Variants in KRT8 observed in about 807,000 individuals in gnomAD.
KRT8 encodes the protein keratin, type II cytoskeletal 8.
Under a neutral mutation model 43.0 loss-of-function variants are expected in KRT8, and 24 were observed. The ratio of observed to expected loss-of-function variants is 0.56; its 90% CI spans 0.40 to 0.78. The LOEUF is 0.78. Among genes scored for constraint, KRT8 ranks in the 30% least tolerant of loss-of-function variants. The pLI, the probability that KRT8 is intolerant of heterozygous loss-of-function variation, is 0.00. For missense variants in KRT8, 492 were observed against 638.4 expected (o/e 0.77, Z 2.47); for synonymous variants, 214 against 261.2 (o/e 0.82, Z 1.74).
intron 2 of KRT8, chr12:52,948,916 G>A: frequency 2.3e-6 from 1 of 435,372 alleles, no homozygotes; most frequent in South Asian, 8.0e-5. Context: ...TCCATGCCCG[G>A]TTGGCCACCC....
At chr12:52,903,989 A>T (rs1029190040) in intron 1 of KRT8, among the ~76,000 whole-genome samples, 7 of 151,410 alleles carry the variant, frequency 4.6e-5, no homozygotes, top group Non-Finnish European at 7.4e-5. Context: ...CTGCCGGCGC[A>T]GGGGCCGGGG....
At chr12:52,916,021 A>G (rs1941733662) in intron 2 of KRT8, among the ~76,000 whole-genome samples, 1 of 152,202 alleles carries the variant, frequency 6.6e-6, no homozygotes, top group Non-Finnish European at 1.5e-5. Context: ...AAAGTAAGAT[A>G]TGGATGGAAA....
intron 2 of KRT8, among the ~76,000 whole-genome samples, chr12:52,938,157 TATATATA>T (rs1942203410): frequency 5.8e-5 from 2 of 34,364 alleles, no homozygotes; most frequent in East Asian, 9.1e-4. Flanking sequence ...TATATATATA[TATATATA>T]TATATATTTT....
chr12:52,912,917 C>T (rs569779936), intron 2 of KRT8, among the ~76,000 whole-genome samples: 99 of 151,212 alleles, frequency 6.5e-4, no homozygotes, highest in African/African-American at 2.3e-3. Flanking sequence ...ACACAGGCAG[C>T]GTGACCAGGT....
chr12:52,914,877 T>C (rs180877473), intron 2 of KRT8, among the ~76,000 whole-genome samples: 43 of 152,222 alleles, frequency 2.8e-4, no homozygotes, highest in African/African-American at 1.0e-3. Flanking sequence ...GGGCGACCAC[T>C]AAGGGAGCAC....
At chr12:52,898,292 A>C (rs749384981) in intron 7 of KRT8, among the ~76,000 whole-genome samples, 169 bp downstream of exon 7, 1 of 152,204 alleles carries the variant, frequency 6.6e-6, no homozygotes, top group Non-Finnish European at 1.5e-5. Flanking sequence ...TAAGTAATAA[A>C]GTTATTACTG....
chr12:52,934,859 C>T (rs1942140712), intron 2 of KRT8, among the ~76,000 whole-genome samples: 1 of 151,900 alleles, frequency 6.6e-6, no homozygotes, highest in African/African-American at 2.4e-5. Flanking sequence ...ATCCCAGGTA[C>T]TTGGGAGGCT....
intron 2 of KRT8, among the ~76,000 whole-genome samples, chr12:52,940,377 G>A (rs1942245902): frequency 7.4e-6 from 1 of 135,436 alleles, no homozygotes; most frequent in African/African-American, 2.8e-5. Context: ...AGGTTGCAGT[G>A]AACCAAGATC....
intron 2 of KRT8, among the ~76,000 whole-genome samples, chr12:52,939,893 A>G (rs1942238376): frequency 2.0e-5 from 3 of 151,568 alleles, no homozygotes; most frequent in Middle Eastern, 3.4e-3. Context: ...CAGGCCAGGA[A>G]TTTAAGACCA....
chr12:52,940,902 A>T (rs1401467954), intron 2 of KRT8, among the ~76,000 whole-genome samples: 4 of 152,086 alleles, frequency 2.6e-5, no homozygotes, highest in Non-Finnish European at 4.4e-5. Context: ...CTGGGATTAC[A>T]GGTGTGAGCC....
chr12:52,933,986 T>C (rs190813429), intron 2 of KRT8, among the ~76,000 whole-genome samples: 3,631 of 151,342 alleles, frequency 0.024, 75 homozygotes, highest in Admixed American at 0.052. Context: ...TCCCAGCACT[T>C]TGGGAGGCCG....
At chr12:52,926,664 C>T (rs145663944) in intron 2 of KRT8, among the ~76,000 whole-genome samples, 52 of 152,256 alleles carry the variant, frequency 3.4e-4, no homozygotes, top group African/African-American at 1.3e-3. Context: ...ACTGAACATC[C>T]ACTATTAATG....
intron 2 of KRT8, among the ~76,000 whole-genome samples, chr12:52,937,458 C>G (rs1017653467): frequency 6.6e-6 from 1 of 151,216 alleles, no homozygotes. Context: ...GAGGCTGAGG[C>G]GGGAGTATTG....
At chr12:52,913,684 C>T (rs1306547126) in intron 2 of KRT8, among the ~76,000 whole-genome samples, 2 of 152,130 alleles carry the variant, frequency 1.3e-5, no homozygotes, top group Non-Finnish European at 2.9e-5. Flanking sequence ...CTCTCACTTG[C>T]ATGGCCTGAC....
At position 52,899,128 on chromosome 12, in the gene KRT8, C is replaced by T. The variant is rs553594758; in HGVS notation, c.982-229G>A. 1.3e-3 allele frequency: 690 copies of T among 537,212 alleles called. 4 individuals are homozygous for T. The highest frequency in any genetic ancestry group is 0.012 in the African/African-American group (616 of 52,228). 33.3% of individuals were successfully genotyped at this position (537,212 alleles called of 1,614,324 possible). A position where few individuals can be genotyped will look rare whatever the true frequency, so the allele number is the denominator to read the frequency against. Reference sequence around the variant, plus strand: ...AGGAGATCGAGGCCATCCTGGCTAACACAGTGAAACCCCGTCTCTAGTAAA... The same window carrying T: ...AGGAGATCGAGGCCATCCTGGCTAATACAGTGAAACCCCGTCTCTAGTAAA... On this transcript the variant is annotated intron_variant, in intron 5 of 7. Coordinates refer to ENST00000692008, the Ensembl canonical transcript of KRT8.
At chr12:52,901,964 T>C (rs1336362770) in exon 2 of KRT8, 1 of 1,608,620 alleles carries the variant, frequency 6.2e-7, no homozygotes, top group Non-Finnish European at 8.5e-7. Context: ...CTAAGGTTGT[T>C]GATGTAGCTC....
chr12:52,931,208 C>T (rs2638520), intron 2 of KRT8, among the ~76,000 whole-genome samples: 12,759 of 152,036 alleles, frequency 0.084, 672 homozygotes, highest in East Asian at 0.24. Flanking sequence ...GCTGGGACTA[C>T]AGGCACCCGC....
At chr12:52,949,027 CG>C in intron 2 of KRT8, 1 of 723,040 alleles carries the variant, frequency 1.4e-6, no homozygotes, top group East Asian at 2.8e-5. Context: ...GGCTCCGAGC[CG>C]TCCACCTGTG....
At chr12:52,924,855 C>T (rs911836014) in intron 2 of KRT8, among the ~76,000 whole-genome samples, 3 of 152,160 alleles carry the variant, frequency 2.0e-5, no homozygotes, top group Non-Finnish European at 2.9e-5. Context: ...CAACAGCCAA[C>T]GCACAGAGGA....
Sources: allele counts gnomAD v4.1 joint callset (sites outside exome capture counted in the v4.1 genomes callset), GRCh38; gene constraint gnomAD v4.1.1; transcripts MANE v1.5; gene names NCBI Gene and HGNC (gene_info 2026-07-23, HGNC 2026-07-21).